Variants in PCDHGA6 observed in about 807,000 individuals in gnomAD.
PCDHGA6 encodes protocadherin gamma-A6.
A neutral mutation model predicts 60.6 loss-of-function variants in PCDHGA6; 41 were observed. The ratio of observed to expected loss-of-function variants is 0.68; its 90% confidence interval spans 0.53 to 0.88. PCDHGA6 has a LOEUF of 0.88. Ranked by LOEUF, PCDHGA6 falls within the 40% of genes least tolerant of loss-of-function variation. PCDHGA6 has a pLI of 0.00. For synonymous variants in PCDHGA6, 594 were observed against 524.4 expected (o/e 1.13, Z -1.81); for missense variants, 1,312 against 1,203.0 (o/e 1.09, Z -1.34).
intron 2 of PCDHGA6, among the ~76,000 whole-genome samples, chr5:141,499,937 C>T (rs1257575594): frequency 6.6e-6 from 1 of 152,082 alleles, no homozygotes; most frequent in Non-Finnish European, 1.5e-5. Context: ...ATCCACCCTC[C>T]TCGGCCTCCC....
At chr5:141,452,046 T>C (rs767493861) in intron 1 of PCDHGA6, among the ~76,000 whole-genome samples, 1 of 152,242 alleles carries the variant, frequency 6.6e-6, no homozygotes, top group Non-Finnish European at 1.5e-5. Context: ...TAACTCCATT[T>C]GTAATAACTT....
chr5:141,435,890 A>G (rs2097784923), intron 1 of PCDHGA6, among the ~76,000 whole-genome samples: 1 of 152,176 alleles, frequency 6.6e-6, no homozygotes, highest in Non-Finnish European at 1.5e-5. Context: ...AACCCCTTAG[A>G]GAATGAAAGA....
intron 1 of PCDHGA6, among the ~76,000 whole-genome samples, chr5:141,452,542 C>T (rs2098743637): frequency 6.6e-6 from 1 of 152,180 alleles, no homozygotes; most frequent in Admixed American, 6.6e-5. Flanking sequence ...CATATTGATA[C>T]CTCCAGTTCT....
At chr5:141,466,384 T>C (rs1209046694) in intron 1 of PCDHGA6, among the ~76,000 whole-genome samples, 9 of 152,168 alleles carry the variant, frequency 5.9e-5, no homozygotes, top group Non-Finnish European at 1.3e-4. Context: ...ACCCATCTAA[T>C]GGAAAGTTTG....
chr5:141,509,255 T>A (rs1434555633), intron 3 of PCDHGA6, among the ~76,000 whole-genome samples: 1 of 152,158 alleles, frequency 6.6e-6, no homozygotes, highest in African/African-American at 2.4e-5. Flanking sequence ...CCTCTCCGGC[T>A]TTAGTCACTC....
At position 141,431,994 on chromosome 5, in the gene PCDHGA6, G is replaced by C; in HGVS notation, c.2424+55487G>C. ...TTAGTCACAGACATAGTCTTGGATA[G>C]GGAACAGGTTCCTAGCTACAACATC... is the stretch of plus-strand genomic sequence containing the variant. On this transcript the variant is annotated intron_variant, in intron 1 of 3. Coordinates refer to ENST00000517434, the MANE Select transcript of PCDHGA6 (RefSeq NM_018919.3). The surrounding 1 kb of genome is among the most constrained non-coding windows in gnomAD (Gnocchi z 4.8). 1.9e-6 allele frequency: 3 copies of C among 1,614,188 alleles called. 1 individual carries two copies. The highest frequency in any genetic ancestry group is 2.2e-5 in the South Asian group (2 of 91,082).
intron 1 of PCDHGA6, chr5:141,392,777 A>T (rs1226924811): frequency 6.5e-7 from 1 of 1,529,322 alleles, no homozygotes; most frequent in Admixed American, 2.2e-5. Context: ...ATTTATGCAC[A>T]GTGAAGATTC....
intron 1 of PCDHGA6, chr5:141,442,535 A>C (rs2098331560): frequency 6.6e-6 from 1 of 152,240 alleles, no homozygotes; most frequent in Non-Finnish European, 1.5e-5. Flanking sequence ...CTCCAAGGTG[A>C]AAAATTCTTG....
chr5:141,496,144 T>C (rs1478887814), intron 2 of PCDHGA6, among the ~76,000 whole-genome samples: 1 of 151,780 alleles, frequency 6.6e-6, no homozygotes, highest in Non-Finnish European at 1.5e-5. Context: ...GAGCCTTTGA[T>C]CGCAGCTCTC....
chr5:141,384,493 G>A lies in PCDHGA6; in HGVS notation c.2424+7986G>A, dbSNP rs370485526. The A allele has an allele frequency of 6.2e-7, 1 of 1,614,056 alleles. No individual in the cohort carries two copies. The highest frequency in any genetic ancestry group is 1.3e-5 in the African/African-American group (1 of 74,948). ...GCAGTTGAGAGAACTACAACTAAGA[G>A]TGACTGCACATGACAGCGGGGACCC... On this transcript the variant is annotated intron_variant, in intron 1 of 3. Coordinates refer to ENST00000517434, the MANE Select transcript of PCDHGA6 (RefSeq NM_018919.3).
At chr5:141,418,987 A>T (rs1244429131) in intron 1 of PCDHGA6, 2 of 1,613,856 alleles carry the variant, frequency 1.2e-6, no homozygotes, top group Non-Finnish European at 1.7e-6. Flanking sequence ...ACCAAGACTC[A>T]GGGGAAAATG....
intron 1 of PCDHGA6, chr5:141,478,803 T>G: frequency 2.1e-6 from 3 of 1,463,244 alleles, no homozygotes; most frequent in Non-Finnish European, 2.7e-6. Context: ...AGCACTCTTT[T>G]GCTATCACAA....
rs2154594699 is a variant in PCDHGA6 at position 141,512,507 on chromosome 5, C to T, written c.*1334C>T. 6.5e-6 allele frequency: 1 copy of T among 153,048 alleles called. No individual in the cohort carries two copies. Among genetic ancestry groups the T allele is most frequent in the South Asian group, 2.1e-4 (1 of 4,836 alleles). 9.5% of individuals were successfully genotyped at this position (153,048 alleles called of 1,614,324 possible). ...CACTGCCCAGGTCCCCAGTGCGCCCCCTAGTGGCCATAGCCTGGTTAAAGT... is the reference window on the plus strand; with the variant it reads ...CACTGCCCAGGTCCCCAGTGCGCCCTCTAGTGGCCATAGCCTGGTTAAAGT... On this transcript the variant is annotated 3_prime_UTR_variant, in exon 4 of 4. Transcript: ENST00000517434.
intron 1 of PCDHGA6, among the ~76,000 whole-genome samples, chr5:141,438,835 A>T (rs1591550617): frequency 6.7e-6 from 1 of 149,784 alleles, no homozygotes; most frequent in African/African-American, 2.5e-5. Flanking sequence ...CTAATTTTTT[A>T]AAATATTTTT....
At position 141,431,423 on chromosome 5, in the gene PCDHGA6, C is replaced by T; in HGVS notation, c.2424+54916C>T. The T allele has an allele frequency of 3.1e-6, 5 of 1,613,670 alleles. No individual in the cohort carries two copies. Among genetic ancestry groups the T allele is most frequent in the Non-Finnish European group, 4.2e-6 (5 of 1,180,030 alleles). ...GGCCTCCGACGGGGGCGACCCGGTG[C>T]GCACAGGCACCGCGCGCATCCGCGT... On this transcript the variant is annotated intron_variant, in intron 1 of 3. Coordinates refer to ENST00000517434, the MANE Select transcript of PCDHGA6 (RefSeq NM_018919.3). This position sits in a 1 kb window ranked among gnomAD's most constrained non-coding sequence, Gnocchi z 4.8.
At chr5:141,377,699 G>A (rs895371425) in intron 1 of PCDHGA6, 1 of 151,992 alleles carries the variant, frequency 6.6e-6, no homozygotes, top group Non-Finnish European at 1.5e-5. Context: ...TTACTACTTA[G>A]GAATCAAAAA....
intron 1 of PCDHGA6, chr5:141,404,584 C>T: frequency 6.2e-7 from 1 of 1,613,980 alleles, no homozygotes; most frequent in Non-Finnish European, 8.5e-7. Flanking sequence ...CACTTAGCAG[C>T]AATGTGTCAT....
intron 1 of PCDHGA6, chr5:141,393,413 G>C: frequency 6.2e-7 from 1 of 1,614,046 alleles, no homozygotes; most frequent in Non-Finnish European, 8.5e-7. Flanking sequence ...AGCGCGCCCT[G>C]GACAGGGAGG....
chr5:141,383,253 T>C (rs563605516), intron 1 of PCDHGA6: 4 of 1,613,928 alleles, frequency 2.5e-6, no homozygotes, highest in Middle Eastern at 1.6e-4. Context: ...ATCTTTACCC[T>C]ATAGACGTGG....
Sources: allele counts gnomAD v4.1 joint callset (sites outside exome capture counted in the v4.1 genomes callset), GRCh38; gene constraint gnomAD v4.1.1; non-coding constraint Gnocchi (gnomAD v3.1); transcripts MANE v1.5; gene names NCBI Gene and HGNC (gene_info 2026-07-23, HGNC 2026-07-21).